The following PNOC variants were observed in gnomAD, a reference collection of about 807,000 sequenced individuals.
PNOC encodes the protein nociceptin.
A neutral mutation model predicts 15.6 loss-of-function variants in PNOC; 10 were observed. That is an observed-to-expected ratio of 0.64 (90% confidence interval 0.40 to 1.09). The LOEUF is 1.09. PNOC is among the 50% of genes least tolerant of loss of function. The probability of loss-of-function intolerance (pLI) is 0.01; values close to 1 mark genes in which losing one functional copy is unlikely to be tolerated. For missense variants in PNOC, 220 were observed against 223.9 expected, an observed-to-expected ratio of 0.98 and a Z score of 0.11; for synonymous variants, 98 against 88.5, an observed-to-expected ratio of 1.11 and a Z score of -0.60.
chr8:28,338,814 C>T, intron 2 of PNOC: 1 of 1,169,372 alleles, frequency 8.6e-7, no homozygotes. Flanking sequence ...CTCTCTGAGC[C>T]CTGGTTTCTT....
chr8:28,330,767 T>A (rs560213499), intron 2 of PNOC, among the ~76,000 whole-genome samples: 2 of 152,110 alleles, frequency 1.3e-5, no homozygotes, highest in South Asian at 4.1e-4. Flanking sequence ...AAATGCTCTC[T>A]TATATTTTAA....
chr8:28,338,918 A>T, intron 2 of PNOC, 122 bp from the exon 3 acceptor site: 1 of 1,081,144 alleles, frequency 9.2e-7, no homozygotes, highest in Non-Finnish European at 1.3e-6. Flanking sequence ...GCTCCACGTT[A>T]CTTGATAACT....
rs1488767712 is a variant in PNOC at position 28,329,229 on chromosome 8, C to CAGTGCATGTCAGCAG, written c.72_73insAGTGCATGTCAGCAG (p.Asp24_Cys25insSerAlaCysGlnGln). On this transcript the variant is annotated inframe_insertion, in exon 2 of 4. Transcript: ENST00000301908. ...GTGTGTTCAGCAGTTGTCAGAGGGA[C>CAGTGCATGTCAGCAG]TGTCTCACATGCCAGGAGAAGCTCC... is the stretch of plus-strand genomic sequence containing the variant. 2.5e-6 allele frequency: 4 copies of CAGTGCATGTCAGCAG among 1,614,070 alleles called. No individual in the cohort carries two copies. The highest frequency in any genetic ancestry group is 2.5e-6 in the Non-Finnish European group (3 of 1,180,036).
intron 2 of PNOC, among the ~76,000 whole-genome samples, chr8:28,329,654 T>G (rs1162751196): frequency 1.3e-5 from 2 of 152,240 alleles, no homozygotes; most frequent in African/African-American, 4.8e-5. Context: ...ACTTACTATA[T>G]TATACCAGGA....
chr8:28,326,169 T>C (rs1003079044), intron 1 of PNOC, among the ~76,000 whole-genome samples: 16 of 151,918 alleles, frequency 1.1e-4, no homozygotes, highest in African/African-American at 1.4e-4. Flanking sequence ...CTAGGCAACA[T>C]GGCGAGACCT....
chr8:28,331,660 G>T (rs1002042513), intron 2 of PNOC, among the ~76,000 whole-genome samples: 1 of 152,084 alleles, frequency 6.6e-6, no homozygotes, highest in Non-Finnish European at 1.5e-5. Context: ...GCCTGCCACA[G>T]CCTCCTCCCC....
chr8:28,342,480 T>A (rs559049050), intron 3 of PNOC, among the ~76,000 whole-genome samples: 1 of 152,270 alleles, frequency 6.6e-6, no homozygotes, highest in South Asian at 2.1e-4. Context: ...GGGTTCTGCC[T>A]TCCTTTCCCC....
intron 1 of PNOC, among the ~76,000 whole-genome samples, chr8:28,321,159 C>G (rs1022637012): frequency 1.3e-5 from 2 of 151,218 alleles, no homozygotes; most frequent in African/African-American, 4.9e-5. Context: ...CTGCCTCAAC[C>G]TTCTGAATAG....
At chr8:28,334,172 C>A (rs1585836825) in intron 2 of PNOC, among the ~76,000 whole-genome samples, 2 of 152,296 alleles carry the variant, frequency 1.3e-5, no homozygotes, top group Non-Finnish European at 2.9e-5. Flanking sequence ...AGATCCACGC[C>A]TGTAGAGTAC....
chr8:28,318,803 G>T (rs183529594), intron 1 of PNOC, among the ~76,000 whole-genome samples: 55 of 152,356 alleles, frequency 3.6e-4, no homozygotes, highest in African/African-American at 1.3e-3. Context: ...GCGCAGTTTT[G>T]TTGCGCACAG....
Position 28,339,286 on chromosome 8 carries a change from C to G in PNOC, c.373C>G (p.Gln125Glu). 1.2e-6 allele frequency: 2 copies of G among 1,610,764 alleles called. No homozygotes were observed. The highest frequency in any genetic ancestry group is 1.7e-6 in the Non-Finnish European group (2 of 1,177,294). ...MEEAGEMEQKQLQKRFGGFTG... is the reference protein window; with the variant it reads ...MEEAGEMEQKELQKRFGGFTG... ...GGAGGCTGGTGAGATGGAGCAGAAGCAGCTGCAGAAGAGATTTGGGGGCTT... is the reference window on the plus strand; with the variant it reads ...GGAGGCTGGTGAGATGGAGCAGAAGGAGCTGCAGAAGAGATTTGGGGGCTT... The change falls in exon 3 of 4, where the codon CAG becomes GAG. Residue 125 changes from glutamine (Q) to glutamate (E), a missense_variant. By Grantham distance (29) the Gln-to-Glu change is conservative. Coordinates refer to ENST00000301908, the MANE Select transcript of PNOC (RefSeq NM_006228.5).
intron 3 of PNOC, among the ~76,000 whole-genome samples, chr8:28,341,618 G>C (rs904329296): frequency 3.3e-5 from 5 of 152,180 alleles, no homozygotes; most frequent in Non-Finnish European, 7.3e-5. Flanking sequence ...CCTCTATCCA[G>C]GCAATTGGTT....
intron 1 of PNOC, among the ~76,000 whole-genome samples, chr8:28,320,874 A>T (rs1309149439): frequency 6.6e-6 from 1 of 151,882 alleles, no homozygotes; most frequent in Non-Finnish European, 1.5e-5. Flanking sequence ...AAAAAGAAGA[A>T]GAAGTTTGAA....
At chr8:28,321,060 A>G (rs942855969) in intron 1 of PNOC, among the ~76,000 whole-genome samples, 3 of 152,018 alleles carry the variant, frequency 2.0e-5, no homozygotes, top group African/African-American at 7.3e-5. Context: ...TTGTTTACAG[A>G]CAGGGTCTCA....
Position 28,339,486 on chromosome 8 carries a change from C to A in PNOC, c.*42C>A. On this transcript the variant is annotated 3_prime_UTR_variant, in exon 3 of 4. Coordinates refer to ENST00000301908, the MANE Select transcript of PNOC (RefSeq NM_006228.5). ...TCCCAGCTGTACCGGCCACTGCAAC[C>A]CATGAGTGAGTTGGGCACCAATAAG... 1 of 1,498,988 alleles carries A rather than the reference C, an allele frequency of 6.7e-7. No homozygotes were observed. Among genetic ancestry groups the A allele is most frequent in the Non-Finnish European group, 8.9e-7 (1 of 1,125,724 alleles). 92.9% of individuals were successfully genotyped at this position (1,498,988 alleles called of 1,614,324 possible). A position where few individuals can be genotyped will look rare whatever the true frequency, so the allele number is the denominator to read the frequency against.
chr8:28,326,173 G>A lies in PNOC; in HGVS notation c.-23-2962G>A, dbSNP rs142709369. ...TCGAGACCAGCCTAGGCAACATGGC[G>A]AGACCTCATTTCTGCTAAAAATTTA... On this transcript the variant is annotated intron_variant, in intron 1 of 3. Transcript: ENST00000301908. Among the ~76,000 whole-genome samples, 294 of 151,984 alleles carry A rather than the reference G, an allele frequency of 1.9e-3. 3 individuals carry two copies. Among genetic ancestry groups the A allele is most frequent in the African/African-American group, 6.2e-3 (258 of 41,446 alleles).
intron 1 of PNOC, among the ~76,000 whole-genome samples, chr8:28,328,060 T>TC (rs199861545): frequency 8.0e-3 from 124 of 15,588 alleles, no homozygotes; most frequent in South Asian, 0.035. Flanking sequence ...TCTCTCTCTC[T>TC]TTTTTTTTTT....
At chr8:28,335,460 A>G (rs1240034930) in intron 2 of PNOC, among the ~76,000 whole-genome samples, 1 of 152,254 alleles carries the variant, frequency 6.6e-6, no homozygotes, top group Non-Finnish European at 1.5e-5. Flanking sequence ...TAAGTTTTTA[A>G]TTCCTTTGTA....
intron 1 of PNOC, among the ~76,000 whole-genome samples, chr8:28,327,301 A>T (rs866858196): frequency 6.6e-6 from 1 of 152,252 alleles, no homozygotes; most frequent in South Asian, 2.1e-4. Flanking sequence ...TCAAGGAGAA[A>T]CAGTGAAAAC....
Sources: gnomAD v4.1 joint callset for allele counts (sites outside exome capture counted in the v4.1 genomes callset) on GRCh38, gnomAD v4.1.1 for gene constraint, MANE v1.5 for transcripts, NCBI Gene and HGNC (gene_info 2026-07-23, HGNC 2026-07-21) for gene names.